Variants in PTCHD4 observed in about 807,000 individuals in gnomAD.
The protein encoded by PTCHD4 is patched domain containing 4.
In PTCHD4, 33 loss-of-function variants were observed where a neutral mutation model predicts 58.1. The ratio of observed to expected loss-of-function variants is 0.57; its 90% confidence interval spans 0.43 to 0.76. The LOEUF (loss-of-function observed/expected upper bound fraction) is 0.76. PTCHD4 is among the 30% of genes least tolerant of loss of function. The pLI, the probability that PTCHD4 is intolerant of heterozygous loss-of-function variation, is 0.00. For synonymous variants in PTCHD4, 478 were observed against 409.6 expected (o/e 1.17, Z -2.02); for missense variants, 1,058 against 1,027.1 (o/e 1.03, Z -0.41).
At chr6:48,073,667 C>T (rs2113886531) in intron 1 of PTCHD4, among the ~76,000 whole-genome samples, 1 of 152,290 alleles carries the variant, frequency 6.6e-6, no homozygotes, top group Non-Finnish European at 1.5e-5. Context: ...CATTCATCCA[C>T]CTTCCGCTGA....
chr6:48,103,995 A>T (rs1446579160), intron 1 of PTCHD4, among the ~76,000 whole-genome samples: 1 of 152,236 alleles, frequency 6.6e-6, no homozygotes, highest in Non-Finnish European at 1.5e-5. Flanking sequence ...TGAAAGTGAC[A>T]GGGAGAATGG....
At chr6:47,978,430 G>A (rs1767772607) in intron 4 of PTCHD4, among the ~76,000 whole-genome samples, 1 of 152,022 alleles carries the variant, frequency 6.6e-6, no homozygotes, top group Non-Finnish European at 1.5e-5. Flanking sequence ...GTATATTCTG[G>A]AAAAATAATT....
chr6:47,880,202 A>C (rs1268435698), intron 4 of PTCHD4, among the ~76,000 whole-genome samples: 1 of 152,104 alleles, frequency 6.6e-6, no homozygotes, highest in African/African-American at 2.4e-5. Context: ...TTGTAAATAT[A>C]ATGTTACGTT....
intron 1 of PTCHD4, among the ~76,000 whole-genome samples, chr6:48,093,785 C>A: frequency 6.6e-6 from 1 of 151,950 alleles, no homozygotes; most frequent in East Asian, 1.9e-4. Context: ...ATAAAGAAAC[C>A]TACTGGTCCA....
chr6:48,074,494 C>A (rs149383366), intron 1 of PTCHD4, among the ~76,000 whole-genome samples: 2 of 152,318 alleles, frequency 1.3e-5, no homozygotes, highest in East Asian at 3.9e-4. Flanking sequence ...CCCAGAAGGC[C>A]TCCAGTAGAT....
At chr6:48,075,541 TG>T (rs1765049018) in intron 1 of PTCHD4, among the ~76,000 whole-genome samples, 1 of 152,016 alleles carries the variant, frequency 6.6e-6, no homozygotes, top group Non-Finnish European at 1.5e-5. Flanking sequence ...TAGATTCATA[TG>T]TACAAACCAA....
At chr6:48,101,279 T>G (rs1268342372) in intron 1 of PTCHD4, among the ~76,000 whole-genome samples, 2 of 152,152 alleles carry the variant, frequency 1.3e-5, no homozygotes, top group Non-Finnish European at 2.9e-5. Context: ...GATCAATTAT[T>G]TGGGTAAAGA....
intron 3 of PTCHD4, among the ~76,000 whole-genome samples, chr6:48,060,486 T>G (rs1764581227): frequency 6.6e-6 from 1 of 152,178 alleles, no homozygotes; most frequent in Admixed American, 6.5e-5. Flanking sequence ...CTTTTTGTTT[T>G]GTTGTTTTGA....
chr6:48,001,875 A>G (rs1410259957), intron 4 of PTCHD4, among the ~76,000 whole-genome samples: 1 of 152,252 alleles, frequency 6.6e-6, no homozygotes, highest in African/African-American at 2.4e-5. Flanking sequence ...CAAAGGGCTA[A>G]TATCCAGAAT....
intron 4 of PTCHD4, among the ~76,000 whole-genome samples, chr6:47,971,380 A>T (rs984092216): frequency 1.3e-5 from 2 of 152,184 alleles, no homozygotes; most frequent in African/African-American, 4.8e-5. Context: ...AGGTCGTCCA[A>T]ATTGAAATGG....
At chr6:47,897,916 T>C (rs187671925) in intron 4 of PTCHD4, among the ~76,000 whole-genome samples, 78 of 151,630 alleles carry the variant, frequency 5.1e-4, no homozygotes, top group Middle Eastern at 6.8e-3. Context: ...TGTTATCATT[T>C]CATCCTTTCT....
chr6:48,082,276 C>T (rs1265500721), intron 1 of PTCHD4, among the ~76,000 whole-genome samples: 2 of 152,094 alleles, frequency 1.3e-5, no homozygotes, highest in Admixed American at 1.3e-4. Flanking sequence ...GCTTATGAAA[C>T]TTTCTTCTTA....
chr6:47,977,742 T>G lies in PTCHD4; in HGVS notation c.898+30892A>C, dbSNP rs554258016. ...ATAATTAAAGTATTTCTTCTGACAA[T>G]AAAAGAATGACATTTTTCAACTTTG... On this transcript the variant is annotated intron_variant, in intron 4 of 4. Transcript: ENST00000339488. Among the ~76,000 whole-genome samples, 26 of 152,286 alleles carry G rather than the reference T, an allele frequency of 1.7e-4. 1 individual carries two copies. In the South Asian group the frequency reaches 5.2e-3, roughly 30 times the overall value.
chr6:47,932,034 T>C (rs968343412), intron 4 of PTCHD4, among the ~76,000 whole-genome samples: 1 of 148,128 alleles, frequency 6.8e-6, no homozygotes, highest in Non-Finnish European at 1.5e-5. Context: ...GTATGCACCA[T>C]GGGGACTGCT....
chr6:48,102,306 A>G (rs925898801), intron 1 of PTCHD4, among the ~76,000 whole-genome samples: 10 of 152,232 alleles, frequency 6.6e-5, no homozygotes, highest in African/African-American at 2.4e-4. Context: ...TGAGTGAGGA[A>G]CTTAACAGTT....
chr6:47,892,438 T>G (rs1229124944), intron 4 of PTCHD4, among the ~76,000 whole-genome samples: 1 of 152,234 alleles, frequency 6.6e-6, no homozygotes, highest in East Asian at 1.9e-4. Context: ...TATGGTAAAA[T>G]GTCATCACTT....
chr6:48,081,540 T>C (rs1269668068), intron 1 of PTCHD4, among the ~76,000 whole-genome samples: 9 of 152,272 alleles, frequency 5.9e-5, no homozygotes, highest in Admixed American at 3.3e-4. Context: ...TTAAGTGAAA[T>C]AACAAATATA....
At chr6:48,105,951 A>C (rs949733264) in intron 1 of PTCHD4, among the ~76,000 whole-genome samples, 3 of 152,168 alleles carry the variant, frequency 2.0e-5, no homozygotes, top group African/African-American at 7.2e-5. Flanking sequence ...AATTGAGGCA[A>C]TAATTAAGAG....
chr6:47,968,527 G>T (rs769572488), intron 4 of PTCHD4, among the ~76,000 whole-genome samples: 2 of 152,164 alleles, frequency 1.3e-5, no homozygotes, highest in Non-Finnish European at 1.5e-5. Flanking sequence ...CATCTGCTAA[G>T]TGTGATGACT....
Sources: allele counts gnomAD v4.1 joint callset (sites outside exome capture counted in the v4.1 genomes callset), GRCh38; gene constraint gnomAD v4.1.1; transcripts MANE v1.5; gene names NCBI Gene and HGNC (gene_info 2026-07-23, HGNC 2026-07-21).